PDSS2: variants seen among roughly 807,000 people sequenced by gnomAD.
PDSS2 encodes the protein all trans-polyprenyl-diphosphate synthase PDSS2.
In PDSS2, 31 loss-of-function variants were observed where a neutral mutation model predicts 44.5. The observed-to-expected ratio is 0.70, with a 90% confidence interval of 0.52 to 0.94. The LOEUF is 0.94. Ranked by LOEUF, PDSS2 falls within the 40% of genes least tolerant of loss-of-function variation. The pLI is 0.00. For synonymous variants in PDSS2, 157 were observed against 180.3 expected, an observed-to-expected ratio of 0.87 and a Z score of 1.03; for missense variants, 452 against 482.2, an observed-to-expected ratio of 0.94 and a Z score of 0.59.
chr6:107,400,917 G>A (rs561148473), intron 1 of PDSS2, among the ~76,000 whole-genome samples: 21 of 152,272 alleles, frequency 1.4e-4, no homozygotes, highest in South Asian at 4.1e-4. Context: ...TCTCCTTCCC[G>A]AGCACTGTGC....
intron 1 of PDSS2, among the ~76,000 whole-genome samples, chr6:107,437,017 GAC>G (rs1410970448): frequency 1.3e-5 from 2 of 151,580 alleles, no homozygotes; most frequent in Non-Finnish European, 1.5e-5. Context: ...TTTCTTTTGA[GAC>G]ACAGTCTTGC....
intron 1 of PDSS2, among the ~76,000 whole-genome samples, chr6:107,413,275 C>T (rs1780560206): frequency 6.6e-6 from 1 of 152,154 alleles, no homozygotes; most frequent in South Asian, 2.1e-4. Context: ...GGTGTGGTGG[C>T]TCACACCTAT....
chr6:107,228,204 T>G (rs1405916314), intron 4 of PDSS2, among the ~76,000 whole-genome samples: 1 of 152,192 alleles, frequency 6.6e-6, no homozygotes, highest in East Asian at 1.9e-4. Flanking sequence ...AGATCCACTC[T>G]AAATTTGAGG....
chr6:107,286,522 A>C (rs1776157573), intron 2 of PDSS2, among the ~76,000 whole-genome samples: 1 of 152,054 alleles, frequency 6.6e-6, no homozygotes, highest in African/African-American at 2.4e-5. Context: ...AAAAATAATA[A>C]AATAATAAAA....
chr6:107,297,211 CTCAG>C lies in PDSS2; in HGVS notation c.432-22988_432-22985del, dbSNP rs1016604235. ...TGTTTCCCAGAAAGGCTTCCCAAAT[CTCAG>C]TCAGTCTCAGATTTAATGTTTATGC... On this transcript the variant is annotated intron_variant, in intron 2 of 7. Transcript: ENST00000369037. Among the ~76,000 whole-genome samples, 177 of 152,280 alleles carry C rather than the reference CTCAG, an allele frequency of 1.2e-3. 1 individual carries two copies. Among genetic ancestry groups the C allele is most frequent in the African/African-American group, 4.1e-3 (170 of 41,568 alleles).
At chr6:107,354,126 A>C (rs1256161511) in intron 1 of PDSS2, among the ~76,000 whole-genome samples, 1 of 152,124 alleles carries the variant, frequency 6.6e-6, no homozygotes, top group Admixed American at 6.5e-5. Flanking sequence ...TTTTCTTTTA[A>C]ATAAACACAT....
intron 7 of PDSS2, among the ~76,000 whole-genome samples, chr6:107,171,128 G>C (rs1771559245): frequency 6.6e-6 from 1 of 152,096 alleles, no homozygotes; most frequent in South Asian, 2.1e-4. Context: ...TGAAGGAATG[G>C]ACCCATGACC....
intron 1 of PDSS2, among the ~76,000 whole-genome samples, chr6:107,408,862 C>A (rs913209286): frequency 6.6e-6 from 1 of 152,152 alleles, no homozygotes; most frequent in African/African-American, 2.4e-5. Flanking sequence ...GCTCCATGAA[C>A]ACTCCAAGCT....
intron 6 of PDSS2, among the ~76,000 whole-genome samples, chr6:107,208,315 T>TAA (rs1554254064): frequency 3.6e-5 from 4 of 111,328 alleles, no homozygotes; most frequent in East Asian, 2.8e-4. Flanking sequence ...TTTTTTTTTT[T>TAA]AAAGACAGTC....
chr6:107,199,200 C>G (rs565118544), intron 6 of PDSS2, among the ~76,000 whole-genome samples: 5 of 152,318 alleles, frequency 3.3e-5, no homozygotes, highest in African/African-American at 1.2e-4. Context: ...TCAGACACTG[C>G]TTAGGCACTA....
chr6:107,212,068 C>A (rs370808432), intron 5 of PDSS2, 41 bp downstream of exon 5: 80 of 1,534,342 alleles, frequency 5.2e-5, no homozygotes, highest in Non-Finnish European at 6.9e-5. Context: ...GTCGTTTTAG[C>A]TATTTAAGTA....
chr6:107,228,286 A>G (rs1773904347), intron 4 of PDSS2, among the ~76,000 whole-genome samples: 1 of 152,200 alleles, frequency 6.6e-6, no homozygotes, highest in Non-Finnish European at 1.5e-5. Flanking sequence ...TGCCTTCTCA[A>G]TATCTATATC....
chr6:107,330,473 A>C (rs1191322377), intron 2 of PDSS2, among the ~76,000 whole-genome samples: 1 of 152,226 alleles, frequency 6.6e-6, no homozygotes, highest in Non-Finnish European at 1.5e-5. Flanking sequence ...TTTAACTACT[A>C]GTTAGAAGAG....
At chr6:107,429,778 G>A (rs1302860476) in intron 1 of PDSS2, among the ~76,000 whole-genome samples, 5 of 150,040 alleles carry the variant, frequency 3.3e-5, no homozygotes, top group Middle Eastern at 3.4e-3. Context: ...CAGCTACTTC[G>A]GAGGCTGAGG....
chr6:107,411,954 T>C (rs1255888532), intron 1 of PDSS2, among the ~76,000 whole-genome samples: 4 of 150,162 alleles, frequency 2.7e-5, no homozygotes, highest in African/African-American at 7.4e-5. Context: ...GGCATGATCT[T>C]GGCTCACTGC....
At chr6:107,443,393 TAC>T in intron 1 of PDSS2, among the ~76,000 whole-genome samples, 1 of 152,366 alleles carries the variant, frequency 6.6e-6, no homozygotes, top group Admixed American at 6.5e-5. Flanking sequence ...GCTTTTTAAA[TAC>T]ATTTTATTTC....
chr6:107,257,915 C>T (rs1775079117), intron 3 of PDSS2, among the ~76,000 whole-genome samples: 2 of 152,170 alleles, frequency 1.3e-5, no homozygotes, highest in African/African-American at 4.8e-5. Flanking sequence ...CCACTCCTGT[C>T]CCAGTTGGGT....
At chr6:107,406,483 A>G (rs919593634) in intron 1 of PDSS2, among the ~76,000 whole-genome samples, 9 of 152,210 alleles carry the variant, frequency 5.9e-5, no homozygotes, top group Non-Finnish European at 1.0e-4. Flanking sequence ...TCTGACATAC[A>G]ATCTTATTTA....
intron 1 of PDSS2, among the ~76,000 whole-genome samples, chr6:107,394,854 G>T (rs1327506462): frequency 6.6e-6 from 1 of 152,082 alleles, no homozygotes; most frequent in East Asian, 1.9e-4. Flanking sequence ...TGAGGAACAA[G>T]AACTCTGTTA....
Sources: gnomAD v4.1 joint callset for allele counts (sites outside exome capture counted in the v4.1 genomes callset) on GRCh38, gnomAD v4.1.1 for gene constraint, MANE v1.5 for transcripts, NCBI Gene and HGNC (gene_info 2026-07-23, HGNC 2026-07-21) for gene names.